The following MGAT4C variants were observed in gnomAD, a reference collection of about 807,000 sequenced individuals.
MGAT4C encodes MGAT4 family member C.
MGAT4C carries 19 observed loss-of-function variants against 40.1 expected under a neutral mutation model. That is an observed-to-expected ratio of 0.47 (90% CI 0.33 to 0.70). The LOEUF (loss-of-function observed/expected upper bound fraction) is 0.70, where lower values mean the gene tolerates loss of function less well. Ranked by LOEUF, MGAT4C falls within the 30% of genes least tolerant of loss-of-function variation. The pLI is 0.02. For missense variants in MGAT4C, 491 were observed against 563.2 expected (o/e 0.87, Z 1.30); for synonymous variants, 181 against 187.1 (o/e 0.97, Z 0.27).
intron 3 of MGAT4C, among the ~76,000 whole-genome samples, chr12:86,352,071 G>A (rs2136192629): frequency 6.6e-6 from 1 of 152,126 alleles, no homozygotes; most frequent in Admixed American, 6.6e-5. Flanking sequence ...TGAATAAAGA[G>A]CTTATTGGCA....
At chr12:86,338,549 A>G (rs1954837688) in intron 3 of MGAT4C, among the ~76,000 whole-genome samples, 1 of 152,190 alleles carries the variant, frequency 6.6e-6, no homozygotes, top group Non-Finnish European at 1.5e-5. Context: ...ATGATAAACT[A>G]TAAACTAAAT....
At chr12:86,745,950 A>C (rs1012910500) in intron 1 of MGAT4C, among the ~76,000 whole-genome samples, 3 of 151,668 alleles carry the variant, frequency 2.0e-5, no homozygotes, top group Non-Finnish European at 3.0e-5. Flanking sequence ...CTATCTCTAA[A>C]AAAGGGAACA....
chr12:86,714,483 A>T (rs1950610882), intron 2 of MGAT4C, among the ~76,000 whole-genome samples: 2 of 152,058 alleles, frequency 1.3e-5, no homozygotes, highest in Non-Finnish European at 2.9e-5. Flanking sequence ...TTGAATCATG[A>T]GGGTGGTTTC....
chr12:86,378,854 A>T (rs758157995), intron 3 of MGAT4C, among the ~76,000 whole-genome samples: 1 of 152,118 alleles, frequency 6.6e-6, no homozygotes, highest in Non-Finnish European at 1.5e-5. Context: ...GAAGTATCTA[A>T]GGATCCAGAC....
intron 1 of MGAT4C, among the ~76,000 whole-genome samples, chr12:86,748,738 A>C (rs1179880477): frequency 1.3e-5 from 2 of 151,688 alleles, no homozygotes; most frequent in African/African-American, 4.8e-5. Flanking sequence ...GAATTTGACT[A>C]TCTTGCTAGA....
rs569989754 is a variant in MGAT4C at position 86,510,544 on chromosome 12, G to A, written c.-228-75279C>T. ...TGCTCCAATTAAAAGACACAGACTG[G>A]CAAATTGGATGAAGAGTCAAGACCC... On this transcript the variant is annotated intron_variant, in intron 2 of 7. Transcript: ENST00000548651. 2.0e-5 allele frequency among the ~76,000 whole-genome samples: 3 copies of A among 152,204 alleles called. No individual in the cohort carries two copies. The South Asian group carries it at 6.2e-4, about 32-fold the overall frequency.
intron 2 of MGAT4C, among the ~76,000 whole-genome samples, chr12:86,047,454 A>G (rs1030524348): frequency 1.3e-5 from 2 of 152,166 alleles, no homozygotes; most frequent in African/African-American, 2.4e-5. Flanking sequence ...TATGATAATA[A>G]TAAAAACAGA....
intron 2 of MGAT4C, among the ~76,000 whole-genome samples, chr12:86,018,677 G>A (rs1455922605): frequency 1.3e-5 from 2 of 152,014 alleles, no homozygotes; most frequent in African/African-American, 4.8e-5. Flanking sequence ...TTGTTTTGCT[G>A]TTTCATATTT....
chr12:86,670,407 CA>C (rs1025872109), intron 2 of MGAT4C, among the ~76,000 whole-genome samples: 1 of 151,662 alleles, frequency 6.6e-6, no homozygotes, highest in Non-Finnish European at 1.5e-5. Flanking sequence ...AACAAATAAA[CA>C]AAAAAACTCA....
At chr12:86,009,520 C>T (rs887680753) in intron 2 of MGAT4C, among the ~76,000 whole-genome samples, 4 of 152,108 alleles carry the variant, frequency 2.6e-5, no homozygotes, top group African/African-American at 9.7e-5. Context: ...TCTTTGAGTT[C>T]ACTCTCCTTG....
chr12:86,099,665 G>A (rs975807245), intron 1 of MGAT4C, among the ~76,000 whole-genome samples: 9 of 151,168 alleles, frequency 6.0e-5, no homozygotes, highest in African/African-American at 2.2e-4. Flanking sequence ...TCAGTTAAAA[G>A]GAAATTTCCC....
At chr12:86,486,376 GCACA>G (rs59222713) in intron 2 of MGAT4C, among the ~76,000 whole-genome samples, 7,270 of 139,970 alleles carry the variant, frequency 0.052, 290 homozygotes, top group African/African-American at 0.12. Flanking sequence ...GATCTATCAT[GCACA>G]CACACACACA....
intron 2 of MGAT4C, among the ~76,000 whole-genome samples, chr12:86,522,491 G>T (rs1434100339): frequency 6.6e-6 from 1 of 152,124 alleles, no homozygotes; most frequent in Non-Finnish European, 1.5e-5. Flanking sequence ...TGTGCTGCTG[G>T]ATTAGGTTTG....
chr12:86,149,979 G>A (rs1884069064), intron 1 of MGAT4C, among the ~76,000 whole-genome samples: 1 of 152,172 alleles, frequency 6.6e-6, no homozygotes, highest in Admixed American at 6.5e-5. Context: ...ATCTAAGTCA[G>A]TGGTCCCCAA....
chr12:86,228,888 A>G (rs543577614), intron 1 of MGAT4C, among the ~76,000 whole-genome samples: 2 of 151,992 alleles, frequency 1.3e-5, no homozygotes, highest in South Asian at 4.1e-4. Context: ...CAGGGAACAA[A>G]TATCTACTAG....
intron 2 of MGAT4C, among the ~76,000 whole-genome samples, chr12:86,606,123 C>T (rs1181763970): frequency 6.6e-6 from 1 of 151,988 alleles, no homozygotes; most frequent in Non-Finnish European, 1.5e-5. Context: ...ATCATGAGAA[C>T]AGCATGGGGG....
At chr12:86,484,544 G>A (rs372136488) in intron 2 of MGAT4C, among the ~76,000 whole-genome samples, 1 of 152,154 alleles carries the variant, frequency 6.6e-6, no homozygotes, top group Admixed American at 6.5e-5. Context: ...GTCTGATCTC[G>A]AGGGGCAAAA....
At chr12:86,059,184 T>C (rs1390526608) in intron 1 of MGAT4C, among the ~76,000 whole-genome samples, 1 of 152,102 alleles carries the variant, frequency 6.6e-6, no homozygotes, top group Non-Finnish European at 1.5e-5. Context: ...GTAGCTGTGA[T>C]TACAGGTGCC....
At chr12:86,050,993 T>C (rs192063421) in intron 1 of MGAT4C, among the ~76,000 whole-genome samples, 23 of 152,074 alleles carry the variant, frequency 1.5e-4, no homozygotes, top group Admixed American at 1.4e-3. Flanking sequence ...TCCCAAGAAA[T>C]TTGTTATTCA....
Sources: gnomAD v4.1 joint callset for allele counts (sites outside exome capture counted in the v4.1 genomes callset) on GRCh38, gnomAD v4.1.1 for gene constraint, MANE v1.5 for transcripts, NCBI Gene and HGNC (gene_info 2026-07-23, HGNC 2026-07-21) for gene names.